ROBO2: variants seen among roughly 807,000 people sequenced by gnomAD.
The protein encoded by ROBO2 is roundabout guidance receptor 2.
ROBO2 carries 53 observed loss-of-function variants against 160.8 expected under a neutral mutation model. That is an observed-to-expected ratio of 0.33 (90% CI 0.26 to 0.41). ROBO2 has a LOEUF of 0.41. Among genes scored for constraint, ROBO2 ranks in the 10% least tolerant of loss-of-function variants. The pLI, the probability that ROBO2 is intolerant of heterozygous loss-of-function variation, is 1.00. For missense variants in ROBO2, 1,577 were observed against 1,722.4 expected (o/e 0.92, Z 1.49); for synonymous variants, 664 against 611.7 (o/e 1.09, Z -1.26).
chr3:76,446,991 C>A (rs2077216054), intron 2 of ROBO2, among the ~76,000 whole-genome samples: 1 of 152,310 alleles, frequency 6.6e-6, no homozygotes, highest in African/African-American at 2.4e-5. Flanking sequence ...ACAAGGACTT[C>A]ATGTCTAAAA....
intron 2 of ROBO2, among the ~76,000 whole-genome samples, chr3:77,465,354 A>G (rs1306066141): frequency 3.9e-5 from 6 of 152,178 alleles, no homozygotes; most frequent in Non-Finnish European, 8.8e-5. Flanking sequence ...AGTAGTAACT[A>G]CAATGTAGAG....
At chr3:77,359,397 C>G (rs2069601257) in intron 2 of ROBO2, among the ~76,000 whole-genome samples, 1 of 152,132 alleles carries the variant, frequency 6.6e-6, no homozygotes, top group African/African-American at 2.4e-5. Context: ...ACGCAGAGAA[C>G]AGATAAATGT....
At chr3:76,476,754 G>T (rs1412695673) in intron 2 of ROBO2, among the ~76,000 whole-genome samples, 1 of 152,020 alleles carries the variant, frequency 6.6e-6, no homozygotes, top group East Asian at 1.9e-4. Flanking sequence ...CTTCGGAAAT[G>T]ACCAGATGTA....
chr3:76,894,565 G>T (rs2148834999), intron 2 of ROBO2, among the ~76,000 whole-genome samples: 1 of 152,136 alleles, frequency 6.6e-6, no homozygotes, highest in South Asian at 2.1e-4. Flanking sequence ...CTTGTCATTG[G>T]TAGTATTGCC....
intron 2 of ROBO2, among the ~76,000 whole-genome samples, chr3:76,147,183 G>C (rs962137648): frequency 6.6e-6 from 1 of 151,412 alleles, no homozygotes; most frequent in African/African-American, 2.4e-5. Context: ...AAATTGAGTA[G>C]AAAATAATAA....
At chr3:77,474,126 C>A (rs1038922440) in intron 2 of ROBO2, among the ~76,000 whole-genome samples, 1 of 152,138 alleles carries the variant, frequency 6.6e-6, no homozygotes. Flanking sequence ...GGCAAACTTT[C>A]GTCAAAAACC....
intron 2 of ROBO2, among the ~76,000 whole-genome samples, chr3:76,572,198 G>T (rs565485961): frequency 5.3e-5 from 8 of 152,170 alleles, no homozygotes; most frequent in African/African-American, 1.9e-4. Context: ...ATTTTAGAGA[G>T]AACAAAACTG....
chr3:75,911,032 T>G (rs1303315972), intron 1 of ROBO2, among the ~76,000 whole-genome samples: 2 of 149,488 alleles, frequency 1.3e-5, no homozygotes, highest in African/African-American at 2.6e-5. Flanking sequence ...GAGTAAACAA[T>G]GCAATTTTTT....
chr3:76,931,110 G>A (rs146990091), intron 2 of ROBO2, among the ~76,000 whole-genome samples: 1 of 152,132 alleles, frequency 6.6e-6, no homozygotes, highest in African/African-American at 2.4e-5. Flanking sequence ...AAGGAACAAA[G>A]AGAAGGAAAG....
intron 19 of ROBO2, 72 bp from the exon 21 acceptor site, chr3:77,602,138 C>G: frequency 6.8e-7 from 1 of 1,471,830 alleles, no homozygotes; most frequent in Non-Finnish European, 9.5e-7. Flanking sequence ...ACTTATTTTT[C>G]ATCTTCAGTC....
intron 6 of ROBO2, among the ~76,000 whole-genome samples, chr3:77,536,482 T>A (rs2092112799): frequency 6.6e-6 from 1 of 152,062 alleles, no homozygotes; most frequent in South Asian, 2.1e-4. Flanking sequence ...TCTCTCTCTA[T>A]GGTTTCTCCA....
chr3:76,864,059 T>C (rs562546695), intron 2 of ROBO2, among the ~76,000 whole-genome samples: 1 of 152,032 alleles, frequency 6.6e-6, no homozygotes, highest in Non-Finnish European at 1.5e-5. Flanking sequence ...GGTAGAGTAA[T>C]CTACTACATT....
chr3:77,395,581 T>C (rs1372032396), intron 2 of ROBO2, among the ~76,000 whole-genome samples: 1 of 152,178 alleles, frequency 6.6e-6, no homozygotes, highest in East Asian at 1.9e-4. Context: ...TGATATTAAG[T>C]AATTGCTATC....
intron 2 of ROBO2, among the ~76,000 whole-genome samples, chr3:77,165,000 G>A (rs1366014342): frequency 7.4e-5 from 11 of 148,572 alleles, no homozygotes; most frequent in Admixed American, 6.0e-4. Context: ...GCCTCTGCCC[G>A]GCGGCCCTTA....
intron 2 of ROBO2, among the ~76,000 whole-genome samples, chr3:76,176,206 G>T (rs1338534992): frequency 6.6e-6 from 1 of 151,936 alleles, no homozygotes; most frequent in Non-Finnish European, 1.5e-5. Flanking sequence ...GTTCCTCCAT[G>T]CAAGCCCATC....
At chr3:76,968,319 A>T (rs976789859) in intron 2 of ROBO2, among the ~76,000 whole-genome samples, 2 of 152,172 alleles carry the variant, frequency 1.3e-5, no homozygotes, top group East Asian at 3.9e-4. Context: ...GTGTCCCAGA[A>T]ACCATCTACA....
chr3:77,544,970 T>A (rs1011073873), intron 6 of ROBO2, among the ~76,000 whole-genome samples: 2 of 152,032 alleles, frequency 1.3e-5, no homozygotes, highest in Non-Finnish European at 2.9e-5. Context: ...GACCACCATT[T>A]AAATCTGAAC....
rs142399002 is a variant in ROBO2, at chr3:77,019,117, T to C, written c.110-78897T>C. ...AGGTTAAGATAAATTTCAAATAAGT[T>C]ATCTTAGTCCACTTGGGCTGATATA... On this transcript the variant is annotated intron_variant, in intron 2 of 26. Transcript: ENST00000487694. Among the ~76,000 whole-genome samples the C allele has an allele frequency of 5.5e-3, 845 of 152,280 alleles. 8 individuals are homozygous for C. The highest frequency in any genetic ancestry group is 0.02 in the African/African-American group (828 of 41,534).
chr3:77,310,965 T>C (rs1335212413), intron 2 of ROBO2, among the ~76,000 whole-genome samples: 2 of 152,136 alleles, frequency 1.3e-5, no homozygotes, highest in Non-Finnish European at 2.9e-5. Context: ...TAATCAGATG[T>C]CTTCTGATGA....
Sources: allele counts gnomAD v4.1 joint callset (sites outside exome capture counted in the v4.1 genomes callset), GRCh38; gene constraint gnomAD v4.1.1; transcripts MANE v1.5; gene names NCBI Gene and HGNC (gene_info 2026-07-23, HGNC 2026-07-21).